The following CRYL1 variants were observed in gnomAD, a reference collection of about 807,000 sequenced individuals.
The protein encoded by CRYL1 is lambda-crystallin homolog.
Under a neutral mutation model 36.6 loss-of-function variants are expected in CRYL1, and 29 were observed. That is an observed-to-expected ratio of 0.79 (90% CI 0.59 to 1.08). CRYL1 has a LOEUF of 1.08. Ranked by LOEUF, CRYL1 falls within the 50% of genes least tolerant of loss-of-function variation. The pLI is 0.00. For missense variants in CRYL1, 411 were observed against 407.9 expected, an observed-to-expected ratio of 1.01 and a Z score of -0.06; for synonymous variants, 152 against 151.5, an observed-to-expected ratio of 1.00 and a Z score of -0.02.
At chr13:20,509,679 G>A (rs1486179080) in intron 2 of CRYL1, among the ~76,000 whole-genome samples, 1 of 152,162 alleles carries the variant, frequency 6.6e-6, no homozygotes, top group Non-Finnish European at 1.5e-5. Context: ...TGTAATCCCA[G>A]CACTTTGGGA....
At chr13:20,422,119 G>T (rs868317070) in intron 5 of CRYL1, among the ~76,000 whole-genome samples, 3 of 152,122 alleles carry the variant, frequency 2.0e-5, no homozygotes, top group Non-Finnish European at 4.4e-5. Context: ...AGCACTTTGG[G>T]AGGCCAAGGC....
chr13:20,522,356 A>AC (rs926564289), intron 1 of CRYL1, among the ~76,000 whole-genome samples: 1 of 152,182 alleles, frequency 6.6e-6, no homozygotes, highest in Admixed American at 6.6e-5. Flanking sequence ...CGTCTCAAAA[A>AC]AAAAAAGTAC....
At chr13:20,499,341 G>A (rs1351528894) in intron 2 of CRYL1, among the ~76,000 whole-genome samples, 8 of 94,164 alleles carry the variant, frequency 8.5e-5, no homozygotes, top group South Asian at 3.5e-4. Flanking sequence ...GTGAGACCCT[G>A]TCTCAAAAAA....
intron 2 of CRYL1, among the ~76,000 whole-genome samples, chr13:20,497,499 G>A (rs867500490): frequency 5.1e-5 from 1 of 19,636 alleles, no homozygotes; most frequent in African/African-American, 2.4e-4. Flanking sequence ...ACTACACACA[G>A]CACACACCAC....
chr13:20,430,382 G>A, intron 5 of CRYL1: 2 of 985,324 alleles, frequency 2.0e-6, no homozygotes, highest in Non-Finnish European at 1.2e-6. Context: ...GACATATGCA[G>A]GCTTCACTTT....
chr13:20,467,578 T>G (rs1276227123), intron 3 of CRYL1, among the ~76,000 whole-genome samples: 1 of 152,146 alleles, frequency 6.6e-6, no homozygotes, highest in Non-Finnish European at 1.5e-5. Context: ...TCCCAGCACT[T>G]TGGGAGGCCG....
chr13:20,447,733 G>T (rs1287379925), intron 3 of CRYL1, among the ~76,000 whole-genome samples: 5 of 152,136 alleles, frequency 3.3e-5, no homozygotes, highest in African/African-American at 7.2e-5. Flanking sequence ...CATTACTAGA[G>T]GAACTTGAAA....
intron 5 of CRYL1, among the ~76,000 whole-genome samples, chr13:20,423,124 T>C (rs1245668089): frequency 6.6e-6 from 1 of 152,232 alleles, no homozygotes; most frequent in Non-Finnish European, 1.5e-5. Flanking sequence ...CCTTTGTATG[T>C]TGACTTTGTA....
At chr13:20,501,057 G>A (rs141798069) in intron 2 of CRYL1, among the ~76,000 whole-genome samples, 232 of 152,082 alleles carry the variant, frequency 1.5e-3, no homozygotes, top group African/African-American at 4.8e-3. Context: ...TTTCTTTCCT[G>A]CTATATAAAC....
intron 4 of CRYL1, among the ~76,000 whole-genome samples, chr13:20,433,203 G>A (rs4770027): frequency 0.54 from 82,314 of 152,002 alleles, 22,850 homozygotes; most frequent in Middle Eastern, 0.66. Flanking sequence ...GTCCAGGTGA[G>A]CATGCCCCAA....
At chr13:20,503,567 G>A (rs2033741789) in intron 2 of CRYL1, among the ~76,000 whole-genome samples, 1 of 152,228 alleles carries the variant, frequency 6.6e-6, no homozygotes, top group Non-Finnish European at 1.5e-5. Context: ...CAGGCCTTCT[G>A]CTGTGCATGC....
chr13:20,518,913 A>G (rs577496406), intron 1 of CRYL1, among the ~76,000 whole-genome samples: 1 of 152,304 alleles, frequency 6.6e-6, no homozygotes, highest in South Asian at 2.1e-4. Flanking sequence ...AAGGATGGAG[A>G]TGTCATTAAC....
At chr13:20,434,879 T>C (rs1204703197) in intron 4 of CRYL1, among the ~76,000 whole-genome samples, 1 of 151,604 alleles carries the variant, frequency 6.6e-6, no homozygotes, top group African/African-American at 2.4e-5. Flanking sequence ...AAAAAAATCA[T>C]TGCCACTGCC....
chr13:20,511,099 TGTTGAGGCAAAGTCTCACTC>T (rs2033908921), intron 2 of CRYL1, among the ~76,000 whole-genome samples: 2 of 152,150 alleles, frequency 1.3e-5, no homozygotes, highest in Admixed American at 1.3e-4. Flanking sequence ...ATTTTATTTA[TGTTGAGGCAAAGTCTCACTC>T]TGCTGCCCAG....
intron 6 of CRYL1, among the ~76,000 whole-genome samples, chr13:20,404,960 G>C (rs2031327590): frequency 6.6e-6 from 1 of 152,132 alleles, no homozygotes; most frequent in Non-Finnish European, 1.5e-5. Context: ...GGCTCCTGGG[G>C]GTTCGAATGC....
At chr13:20,409,042 G>A (rs928778524) in intron 6 of CRYL1, among the ~76,000 whole-genome samples, 1 of 152,148 alleles carries the variant, frequency 6.6e-6, no homozygotes, top group Non-Finnish European at 1.5e-5. Flanking sequence ...GCATCACCAA[G>A]TCAGTCCTAA....
chr13:20,413,859 T>C lies in CRYL1; in HGVS notation c.634-472A>G, dbSNP rs141212613. On this transcript the variant is annotated intron_variant, in intron 5 of 7. Coordinates refer to ENST00000298248, the MANE Select transcript of CRYL1 (RefSeq NM_015974.3). ...GATAGTGTTTTGATTGAATTTTGCATGACAAAACTATAATATTATCATATG... is the reference window on the plus strand; with the variant it reads ...GATAGTGTTTTGATTGAATTTTGCACGACAAAACTATAATATTATCATATG... Among the ~76,000 whole-genome samples, 358 of 152,298 alleles carry C rather than the reference T, an allele frequency of 2.4e-3. 2 individuals carry two copies. Among genetic ancestry groups the C allele is most frequent in the African/African-American group, 7.6e-3 (317 of 41,562 alleles).
At chr13:20,458,029 A>T (rs73443960) in intron 3 of CRYL1, among the ~76,000 whole-genome samples, 5,443 of 152,270 alleles carry the variant, frequency 0.036, 324 homozygotes, top group African/African-American at 0.12. Context: ...TTATCAAAAA[A>T]ATTGGTTCTA....
At chr13:20,523,675 C>G (rs907485650) in intron 1 of CRYL1, among the ~76,000 whole-genome samples, 1 of 151,944 alleles carries the variant, frequency 6.6e-6, no homozygotes, top group Non-Finnish European at 1.5e-5. Context: ...CCAGCACTGT[C>G]CCAGAGGCAG....
Sources: allele counts gnomAD v4.1 joint callset (sites outside exome capture counted in the v4.1 genomes callset), GRCh38; gene constraint gnomAD v4.1.1; transcripts MANE v1.5; gene names NCBI Gene and HGNC (gene_info 2026-07-23, HGNC 2026-07-21).